CLTA: variants seen among roughly 807,000 people sequenced by gnomAD.
The protein encoded by CLTA is clathrin light chain A, also known as clathrin, light polypeptide (Lca).
A neutral mutation model predicts 26.9 loss-of-function variants in CLTA; 9 were observed. That is an observed-to-expected ratio of 0.33 (90% CI 0.20 to 0.58). The LOEUF is 0.58. Ranked by LOEUF, CLTA falls within the 20% of genes least tolerant of loss-of-function variation. CLTA has a pLI of 0.85. For synonymous variants in CLTA, 120 were observed against 115.5 expected, an observed-to-expected ratio of 1.04 and a Z score of -0.25; for missense variants, 278 against 294.2, an observed-to-expected ratio of 0.94 and a Z score of 0.40.
intron 3 of CLTA, among the ~76,000 whole-genome samples, chr9:36,202,397 ACTG>A (rs34294022): frequency 0.039 from 5,895 of 152,288 alleles, 162 homozygotes; most frequent in Non-Finnish European, 0.057. Context: ...TGACACCGCT[ACTG>A]CTATCTACTC....
Position 36,204,126 on chromosome 9 carries a change from A to C in CLTA, c.432A>C (p.Glu144Asp), listed in dbSNP as rs1224527342. 6.2e-7 allele frequency: 1 copy of C among 1,614,220 alleles called. No homozygotes were observed. Among genetic ancestry groups the C allele is most frequent in the Non-Finnish European group, 8.5e-7 (1 of 1,180,028 alleles). The change falls in exon 4 of 5, where the codon GAA (glutamate) becomes GAC (aspartate). Residue 144 changes from glutamate (E) to aspartate (D), a missense_variant. Transcript: ENST00000345519. ...EWKEKAIKEL[E>D]EWYARQDEQL... ...AAGAAAAGGCAATAAAGGAGCTAGA[A>C]GAATGGTATGCAAGACAGGACGAGC...
intron 1 of CLTA, among the ~76,000 whole-genome samples, chr9:36,194,963 A>G (rs1826936232): frequency 6.6e-6 from 1 of 152,226 alleles, no homozygotes; most frequent in Non-Finnish European, 1.5e-5. Flanking sequence ...GAGATGTGGG[A>G]TGAGGATTGC....
chr9:36,210,988 C>T (rs1196369269), intron 4 of CLTA, among the ~76,000 whole-genome samples: 5 of 152,226 alleles, frequency 3.3e-5, no homozygotes, highest in African/African-American at 1.2e-4. Flanking sequence ...GCCAGTGTGC[C>T]CTGAGTGGCC....
At chr9:36,191,904 T>C (rs1826749907) in intron 1 of CLTA, among the ~76,000 whole-genome samples, 1 of 152,140 alleles carries the variant, frequency 6.6e-6, no homozygotes, top group South Asian at 2.1e-4. Context: ...CTGGAGCTCT[T>C]CCTCTGGGAA....
intron 4 of CLTA, chr9:36,209,127 C>T: frequency 5.0e-6 from 5 of 1,001,244 alleles, no homozygotes; most frequent in African/African-American, 1.6e-5. Context: ...GGAAGCCTCA[C>T]GGGGGTTAGG....
At chr9:36,211,559 A>G in intron 4 of CLTA, 44 bp from the exon 5 acceptor site, 1 of 1,556,618 alleles carries the variant, frequency 6.4e-7, no homozygotes, top group Non-Finnish European at 8.7e-7. Context: ...AGGTTGCTCA[A>G]AGGGGGTTCT....
At chr9:36,192,391 C>T (rs1430190801) in intron 1 of CLTA, among the ~76,000 whole-genome samples, 2 of 152,206 alleles carry the variant, frequency 1.3e-5, no homozygotes, top group African/African-American at 2.4e-5. Context: ...GCCAGCCAGG[C>T]GGAACCTTTT....
Position 36,190,970 on chromosome 9 carries a change from A to C in CLTA, c.-87A>C. 6.9e-7 allele frequency: 1 copy of C among 1,453,962 alleles called. No individual in the cohort carries two copies. Among genetic ancestry groups the C allele is most frequent in the Non-Finnish European group, 9.0e-7 (1 of 1,113,266 alleles). The allele number at this position is 1,453,962 out of a possible 1,614,324, so 90.1% of individuals were successfully genotyped here. A position where few individuals can be genotyped will look rare whatever the true frequency, so the allele number is the denominator to read the frequency against. ...CGCTTGTCCTCCTCTCCCAGTCGGC[A>C]CCACAGCGGTGGCTGCCGGGCGTGG... On this transcript the variant is annotated 5_prime_UTR_variant, in exon 1 of 5. Transcript: ENST00000345519.
At chr9:36,204,549 C>G (rs1361048469) in intron 4 of CLTA, among the ~76,000 whole-genome samples, 1 of 152,140 alleles carries the variant, frequency 6.6e-6, no homozygotes, top group Non-Finnish European at 1.5e-5. Context: ...TGTTGAGTCT[C>G]CTCAATATAG....
At chr9:36,203,975 C>G (rs1827573776) in intron 3 of CLTA, 93 bp from the exon 4 acceptor site, 1 of 1,544,982 alleles carries the variant, frequency 6.5e-7, no homozygotes, top group African/African-American at 1.4e-5. Context: ...GGACCTGCAC[C>G]CACCACAAGT....
At chr9:36,202,583 C>G (rs570442835) in intron 3 of CLTA, among the ~76,000 whole-genome samples, 1 of 152,312 alleles carries the variant, frequency 6.6e-6, no homozygotes, top group African/African-American at 2.4e-5. Context: ...ACAGCCAGAT[C>G]TGGGTTTGAA....
At position 36,207,777 on chromosome 9, in the gene CLTA, A is replaced by T. The variant is rs145289658; in HGVS notation, c.485+3598A>T. ...TCAAACTTTTGTTGTCTTAGTGATGATTTGACAGGAGTCATGAAACCTCTA... is the reference window on the plus strand; with the variant it reads ...TCAAACTTTTGTTGTCTTAGTGATGTTTTGACAGGAGTCATGAAACCTCTA... On this transcript the variant is annotated intron_variant, in intron 4 of 4. Transcript: ENST00000345519. Among the ~76,000 whole-genome samples the T allele has an allele frequency of 9.7e-4, 148 of 152,360 alleles. 1 individual carries two copies. Among genetic ancestry groups the T allele is most frequent in the African/African-American group, 3.3e-3 (137 of 41,578 alleles).
chr9:36,197,158 G>T (rs1042198747), intron 1 of CLTA, among the ~76,000 whole-genome samples: 1 of 152,200 alleles, frequency 6.6e-6, no homozygotes, highest in Non-Finnish European at 1.5e-5. Flanking sequence ...CTGGGCGACA[G>T]AGCAAGACTG....
At chr9:36,209,629 C>G (rs1228250410) in intron 4 of CLTA, among the ~76,000 whole-genome samples, 1 of 152,272 alleles carries the variant, frequency 6.6e-6, no homozygotes, top group South Asian at 2.1e-4. Context: ...GAACTCTGCT[C>G]TCTTGCTCTT....
chr9:36,199,692 G>A (rs1827292234), intron 3 of CLTA, among the ~76,000 whole-genome samples: 1 of 151,810 alleles, frequency 6.6e-6, no homozygotes, highest in Non-Finnish European at 1.5e-5. Context: ...CTGACCTTGT[G>A]ATCCACACAC....
rs1347314315 is a variant in CLTA, at chr9:36,191,219, C to G, written c.163C>G (p.Leu55Val). Residue 55 changes from leucine to valine, a missense_variant, in exon 1 of 5, where the codon CTG (leucine) becomes GTG (valine). Leu to Val is a conservative substitution (Grantham distance 32). Transcript: ENST00000345519. Reference sequence around the variant, plus strand: ...CGAGAACGACGAGGCCTTCGCCATCCTGGACGGCGGCGCCCCCGGGCCCCA... The same window carrying G: ...CGAGAACGACGAGGCCTTCGCCATCGTGGACGGCGGCGCCCCCGGGCCCCA... ...GIENDEAFAILDGGAPGPQPH... is the reference protein window; with the variant it reads ...GIENDEAFAIVDGGAPGPQPH... 6.4e-7 allele frequency: 1 copy of G among 1,553,226 alleles called. No homozygotes were observed. Among genetic ancestry groups the G allele is most frequent in the East Asian group, 2.4e-5 (1 of 40,916 alleles).
chr9:36,195,715 C>T (rs1217466075), intron 1 of CLTA, among the ~76,000 whole-genome samples: 1 of 152,118 alleles, frequency 6.6e-6, no homozygotes, highest in Non-Finnish European at 1.5e-5. Context: ...GCCTGAAATC[C>T]CAGCACTTTC....
chr9:36,193,535 G>A (rs1468459763), intron 1 of CLTA, among the ~76,000 whole-genome samples: 3 of 149,642 alleles, frequency 2.0e-5, no homozygotes, highest in Non-Finnish European at 4.4e-5. Flanking sequence ...AGTGCTTACA[G>A]TTATATTAAG....
At chr9:36,205,762 T>G (rs868262139) in intron 4 of CLTA, among the ~76,000 whole-genome samples, 14,662 of 143,808 alleles carry the variant, frequency 0.1, 785 homozygotes, top group East Asian at 0.17. Context: ...CCTGTTTTTT[T>G]TTTTTTTTTT....
Sources: allele counts gnomAD v4.1 joint callset (sites outside exome capture counted in the v4.1 genomes callset), GRCh38; gene constraint gnomAD v4.1.1; transcripts MANE v1.5; gene names NCBI Gene and HGNC (gene_info 2026-07-23, HGNC 2026-07-21).